PARD3: variants seen among roughly 807,000 people sequenced by gnomAD.
The protein encoded by PARD3 is par-3 family cell polarity regulator.
A neutral mutation model predicts 155.4 loss-of-function variants in PARD3; 75 were observed. That is an observed-to-expected ratio of 0.48 (90% CI 0.40 to 0.58). PARD3 has a LOEUF of 0.58. Among genes scored for constraint, PARD3 ranks in the 20% least tolerant of loss-of-function variants. The pLI is 0.00. For missense variants in PARD3, 1,642 were observed against 1,721.7 expected, an observed-to-expected ratio of 0.95 and a Z score of 0.82; for synonymous variants, 576 against 610.5, an observed-to-expected ratio of 0.94 and a Z score of 0.83.
rs3039232 is a variant in PARD3, at chr10:34,155,668, A to ATGTGTGTGTGTG, written c.3420-24097_3420-24086dup. Among the ~76,000 whole-genome samples the ATGTGTGTGTGTG allele has an allele frequency of 6.3e-3, 878 of 140,390 alleles. 6 individuals are homozygous for ATGTGTGTGTGTG. Among genetic ancestry groups the ATGTGTGTGTGTG allele is most frequent in the African/African-American group, 0.019 (704 of 37,998 alleles). The allele number at this position is 140,390 out of a possible 152,430, so 92.1% of individuals were successfully genotyped here. A position where few individuals can be genotyped will look rare whatever the true frequency, so the allele number is the denominator to read the frequency against. ...TTCAGAAACCACAAGCCCTCTAAAA[A>ATGTGTGTGTGTG]TGTGTGTGTGTGTGTGTGTGTGTGT... On this transcript the variant is annotated intron_variant, in intron 22 of 24. Coordinates refer to ENST00000374788, the MANE Select transcript of PARD3 (RefSeq NM_001184785.2).
intron 22 of PARD3, among the ~76,000 whole-genome samples, chr10:34,181,581 A>G (rs1050235226): frequency 6.6e-6 from 1 of 152,162 alleles, no homozygotes; most frequent in Non-Finnish European, 1.5e-5. Flanking sequence ...TTTTCTCAAT[A>G]TGTGTTGAGT....
At chr10:34,330,514 T>A (rs1409026749) in intron 19 of PARD3, among the ~76,000 whole-genome samples, 1 of 151,396 alleles carries the variant, frequency 6.6e-6, no homozygotes, top group Non-Finnish European at 1.5e-5. Flanking sequence ...AAAAAAAAAA[T>A]GTTTTTAAGA....
At chr10:34,254,463 T>C (rs755751465) in intron 22 of PARD3, among the ~76,000 whole-genome samples, 17 of 152,144 alleles carry the variant, frequency 1.1e-4, no homozygotes, top group Non-Finnish European at 1.6e-4. Context: ...GATCTCTCTT[T>C]TTGTCATTGT....
chr10:34,557,686 G>A (rs1405903543), intron 2 of PARD3, among the ~76,000 whole-genome samples: 3 of 151,970 alleles, frequency 2.0e-5, no homozygotes, highest in Non-Finnish European at 2.9e-5. Context: ...TCAAACTCCT[G>A]ACTTCAAGCG....
chr10:34,169,851 C>T (rs980595801), intron 22 of PARD3, among the ~76,000 whole-genome samples: 1 of 152,160 alleles, frequency 6.6e-6, no homozygotes, highest in Non-Finnish European at 1.5e-5. Context: ...AGAATGATGG[C>T]CACAGGGGGC....
chr10:34,532,528 T>G (rs12256674), intron 2 of PARD3, among the ~76,000 whole-genome samples: 5 of 148,580 alleles, frequency 3.4e-5, no homozygotes, highest in Non-Finnish European at 7.6e-5. Flanking sequence ...CTGTGTGAAG[T>G]GCTGCTTATA....
Position 34,253,611 on chromosome 10 carries a change from G to C in PARD3, c.3419+16046C>G, listed in dbSNP as rs74131658. On this transcript the variant is annotated intron_variant, in intron 22 of 24. Coordinates refer to ENST00000374788, the MANE Select transcript of PARD3 (RefSeq NM_001184785.2). ...AGGTCTTAAGGCCTCAGCTACCTGAGGTTTCAGGACACCATGAGTGTAGAG... is the reference window on the plus strand; with the variant it reads ...AGGTCTTAAGGCCTCAGCTACCTGACGTTTCAGGACACCATGAGTGTAGAG... Among the ~76,000 whole-genome samples the C allele has an allele frequency of 8.5e-3, 1,291 of 152,242 alleles. 20 individuals carry two copies. Among genetic ancestry groups the C allele is most frequent in the African/African-American group, 0.03 (1,231 of 41,516 alleles).
chr10:34,303,162 A>ATTTTTTT (rs5784409), intron 20 of PARD3, among the ~76,000 whole-genome samples: 4 of 131,974 alleles, frequency 3.0e-5, no homozygotes, highest in African/African-American at 8.9e-5. Context: ...GCCCAGGTGA[A>ATTTTTTT]TTTTTTTTTT....
chr10:34,174,168 A>G (rs543646045), intron 22 of PARD3, among the ~76,000 whole-genome samples: 2 of 152,314 alleles, frequency 1.3e-5, no homozygotes, highest in East Asian at 3.9e-4. Flanking sequence ...CCAACTAGAA[A>G]CACACTTAGG....
intron 1 of PARD3, among the ~76,000 whole-genome samples, chr10:34,755,651 G>A (rs1412082722): frequency 6.6e-6 from 1 of 152,024 alleles, no homozygotes; most frequent in Non-Finnish European, 1.5e-5. Flanking sequence ...CTCATCAAAT[G>A]ATTTCCAAGA....
At chr10:34,197,796 C>A (rs1215672725) in intron 22 of PARD3, among the ~76,000 whole-genome samples, 1 of 152,180 alleles carries the variant, frequency 6.6e-6, no homozygotes, top group Non-Finnish European at 1.5e-5. Flanking sequence ...GTGGTGCGAT[C>A]GCAGCTCACT....
chr10:34,715,330 G>T (rs544701318), intron 1 of PARD3, among the ~76,000 whole-genome samples: 2 of 152,042 alleles, frequency 1.3e-5, no homozygotes, highest in African/African-American at 4.8e-5. Context: ...CTCCTGCCTC[G>T]GATTCCCAAA....
chr10:34,579,374 T>G (rs1307020989), intron 2 of PARD3, among the ~76,000 whole-genome samples: 1 of 152,128 alleles, frequency 6.6e-6, no homozygotes, highest in East Asian at 1.9e-4. Context: ...TGTGCACCTC[T>G]GGCTCTGCTG....
intron 3 of PARD3, among the ~76,000 whole-genome samples, chr10:34,500,877 A>C (rs1454156347): frequency 1.3e-5 from 2 of 152,204 alleles, no homozygotes; most frequent in African/African-American, 4.8e-5. Flanking sequence ...GTACCAGTGA[A>C]AGAATGAAAC....
chr10:34,759,726 C>A (rs1029419602), intron 1 of PARD3, among the ~76,000 whole-genome samples: 3 of 152,192 alleles, frequency 2.0e-5, no homozygotes, highest in Non-Finnish European at 4.4e-5. Flanking sequence ...GCCAGCATAA[C>A]GTGTGTGCTG....
chr10:34,185,823 A>G (rs1426161017), intron 22 of PARD3, among the ~76,000 whole-genome samples: 1 of 124,948 alleles, frequency 8.0e-6, no homozygotes, highest in African/African-American at 4.2e-5. Flanking sequence ...ATATTATATT[A>G]TATTATATTA....
intron 22 of PARD3, among the ~76,000 whole-genome samples, chr10:34,176,663 A>G (rs980237924): frequency 2.6e-5 from 4 of 152,202 alleles, no homozygotes; most frequent in African/African-American, 9.7e-5. Flanking sequence ...ACCATTAGAA[A>G]GAGGCCTGGA....
At chr10:34,624,914 C>T (rs986121023) in intron 2 of PARD3, among the ~76,000 whole-genome samples, 4 of 152,172 alleles carry the variant, frequency 2.6e-5, no homozygotes, top group African/African-American at 9.7e-5. Flanking sequence ...GGGCTCAGGC[C>T]AGGGGTATGG....
At chr10:34,579,554 CTG>C (rs554959827) in intron 2 of PARD3, among the ~76,000 whole-genome samples, 1,853 of 122,474 alleles carry the variant, frequency 0.015, 25 homozygotes, top group African/African-American at 0.036. Context: ...ACCATTTTCT[CTG>C]TGTGTGTGTG....
Sources: gnomAD v4.1 joint callset for allele counts (sites outside exome capture counted in the v4.1 genomes callset) on GRCh38, gnomAD v4.1.1 for gene constraint, MANE v1.5 for transcripts, NCBI Gene and HGNC (gene_info 2026-07-23, HGNC 2026-07-21) for gene names.